Variants in RYR3 observed in about 807,000 individuals in gnomAD.
The protein encoded by RYR3 is brain ryanodine receptor-calcium release channel.
In RYR3, 207 loss-of-function variants were observed where a neutral mutation model predicts 584.3. The ratio of observed to expected loss-of-function variants is 0.35; its 90% confidence interval spans 0.32 to 0.40. The LOEUF (loss-of-function observed/expected upper bound fraction) is 0.40. RYR3 is among the 10% of genes least tolerant of loss of function. The pLI, the probability that RYR3 is intolerant of heterozygous loss-of-function variation, is 1.00. For synonymous variants in RYR3, 2,416 were observed against 2,248.5 expected (o/e 1.07, Z -2.11); for missense variants, 5,616 against 6,089.2 (o/e 0.92, Z 2.59).
intron 2 of RYR3, among the ~76,000 whole-genome samples, chr15:33,490,492 T>C (rs953406688): frequency 1.3e-5 from 2 of 152,136 alleles, no homozygotes; most frequent in African/African-American, 2.4e-5. Context: ...TACTGCCTAA[T>C]AGTACTGAGG....
At chr15:33,825,047 T>C (rs568236997) in intron 81 of RYR3, among the ~76,000 whole-genome samples, 1 of 152,304 alleles carries the variant, frequency 6.6e-6, no homozygotes, top group South Asian at 2.1e-4. Context: ...CACCATTCCC[T>C]GTGGAAAGCG....
chr15:33,466,758 AT>A (rs1437348016), intron 1 of RYR3, among the ~76,000 whole-genome samples: 1 of 152,220 alleles, frequency 6.6e-6, no homozygotes, highest in Non-Finnish European at 1.5e-5. Context: ...ACATAAGCAT[AT>A]TTGTTAATAT....
Position 33,550,200 on chromosome 15 carries a change from C to T in RYR3, c.856C>T (p.Leu286Phe). 1.2e-6 allele frequency: 2 copies of T among 1,613,862 alleles called. No homozygotes were observed. The highest frequency in any genetic ancestry group is 2.7e-5 in the African/African-American group (2 of 75,048). ...CATCAGATGGGGCCAGGCTTTCCGACTCCGGCATCTCACCACAGGCCACTA... is the reference window on the plus strand; with the variant it reads ...CATCAGATGGGGCCAGGCTTTCCGATTCCGGCATCTCACCACAGGCCACTA... Reference protein sequence around the residue: ...SNIRWGQAFRLRHLTTGHYLA... With the variant: ...SNIRWGQAFRFRHLTTGHYLA... The change falls in exon 10 of 104, where the codon CTC becomes TTC. Residue 286 changes from leucine (L) to phenylalanine (F), a missense_variant. Leu to Phe is a conservative substitution (Grantham distance 22). This residue lies in a region of RYR3 where 1,284 missense variants were observed against 1,344.6 expected (regional missense o/e 0.95). Coordinates refer to ENST00000634891, the MANE Select transcript of RYR3 (RefSeq NM_001036.6).
intron 7 of RYR3, 126 bp downstream of exon 7, chr15:33,541,016 C>T: frequency 1.6e-6 from 1 of 609,050 alleles, no homozygotes. Flanking sequence ...CTGATTTTAG[C>T]TCACTTGAGT....
intron 1 of RYR3, among the ~76,000 whole-genome samples, chr15:33,387,014 C>A (rs944003383): frequency 6.6e-6 from 1 of 151,990 alleles, no homozygotes; most frequent in Admixed American, 6.6e-5. Context: ...CCCACCACCA[C>A]GCCCGGCTAA....
intron 40 of RYR3, 117 bp downstream of exon 40, chr15:33,698,113 A>G: frequency 1.4e-6 from 1 of 726,956 alleles, no homozygotes; most frequent in Non-Finnish European, 2.5e-6. Flanking sequence ...CAGGGAGAGG[A>G]AGGGATAGGC....
At chr15:33,832,480 C>T (rs2077743350) in intron 86 of RYR3, among the ~76,000 whole-genome samples, 1 of 151,712 alleles carries the variant, frequency 6.6e-6, no homozygotes, top group Non-Finnish European at 1.5e-5. Context: ...CATGGCGAAA[C>T]CCCGTCTCTA....
intron 10 of RYR3, among the ~76,000 whole-genome samples, chr15:33,550,964 C>T (rs2056633168): frequency 1.3e-5 from 2 of 152,152 alleles, no homozygotes; most frequent in Admixed American, 1.3e-4. Flanking sequence ...AGGATGGATC[C>T]TCTGGTAGTT....
At chr15:33,343,953 G>A (rs998571226) in intron 1 of RYR3, among the ~76,000 whole-genome samples, 2 of 152,158 alleles carry the variant, frequency 1.3e-5, no homozygotes, top group African/African-American at 4.8e-5. Flanking sequence ...AGGTTAAGAA[G>A]ATTTTGAAAG....
chr15:33,865,449 G>C lies in RYR3; in HGVS notation c.*223G>C. On this transcript the variant is annotated 3_prime_UTR_variant, in exon 104 of 104. Transcript: ENST00000634891. ...CCTGTCAAAATGTCGAAGAAGGAAG[G>C]CGAAGAATCAAGTAATCTCTAGGCA... 2.0e-6 allele frequency: 1 copy of C among 488,012 alleles called. No homozygotes were observed. Among genetic ancestry groups the C allele is most frequent in the African/African-American group, 1.9e-5 (1 of 51,996 alleles). The allele number at this position is 488,012 out of a possible 1,614,324, so 30.2% of individuals were successfully genotyped here.
chr15:33,774,748 A>C (rs2073877014), intron 64 of RYR3, among the ~76,000 whole-genome samples: 1 of 152,250 alleles, frequency 6.6e-6, no homozygotes, highest in Non-Finnish European at 1.5e-5. Context: ...ACTGTTTTAC[A>C]TAAAATATAG....
At chr15:33,854,057 G>A (rs771047470) in intron 96 of RYR3, among the ~76,000 whole-genome samples, 62 of 152,154 alleles carry the variant, frequency 4.1e-4, no homozygotes, top group Middle Eastern at 6.8e-3. Context: ...GTAGCTAGGC[G>A]TGGTGGTGGG....
At chr15:33,422,950 G>T (rs2141626516) in intron 1 of RYR3, among the ~76,000 whole-genome samples, 1 of 152,282 alleles carries the variant, frequency 6.6e-6, no homozygotes, top group African/African-American at 2.4e-5. Context: ...AGAAAACTTT[G>T]CATATTAGTG....
chr15:33,829,281 C>A (rs1040273501), intron 85 of RYR3, among the ~76,000 whole-genome samples: 6 of 152,064 alleles, frequency 3.9e-5, no homozygotes, highest in Non-Finnish European at 8.8e-5. Flanking sequence ...CCTGCTAATA[C>A]AAGATTTATT....
chr15:33,711,235 A>ATTTTT (rs143373949), intron 43 of RYR3, among the ~76,000 whole-genome samples: 1 of 75,790 alleles, frequency 1.3e-5, no homozygotes, highest in African/African-American at 5.3e-5. Flanking sequence ...TCTTTCTTTC[A>ATTTTT]TTTTTTTTTT....
chr15:33,825,473 C>A, intron 81 of RYR3, 130 bp from the exon 82 acceptor site: 1 of 604,660 alleles, frequency 1.7e-6, no homozygotes, highest in Non-Finnish European at 2.9e-6. Flanking sequence ...TGCAACCACC[C>A]TGGAATGTGT....
At chr15:33,407,046 G>T (rs953064965) in intron 1 of RYR3, among the ~76,000 whole-genome samples, 3 of 152,226 alleles carry the variant, frequency 2.0e-5, no homozygotes, top group African/African-American at 7.2e-5. Context: ...CAAGATGACA[G>T]CTTGTTGTTG....
intron 51 of RYR3, 32 bp downstream of exon 51, chr15:33,740,027 G>A: frequency 6.2e-7 from 1 of 1,601,646 alleles, no homozygotes; most frequent in Non-Finnish European, 8.5e-7. Context: ...AGCTGGTGCT[G>A]TATTTTGTCC....
chr15:33,588,223 G>A (rs2058953933), intron 16 of RYR3, among the ~76,000 whole-genome samples: 1 of 152,166 alleles, frequency 6.6e-6, no homozygotes. Flanking sequence ...AAGAAGGCCG[G>A]AGCCTGGGTC....
Sources: allele counts gnomAD v4.1 joint callset (sites outside exome capture counted in the v4.1 genomes callset), GRCh38; gene constraint gnomAD v4.1.1; regional missense constraint gnomAD v4.1.1; transcripts MANE v1.5; gene names NCBI Gene and HGNC (gene_info 2026-07-23, HGNC 2026-07-21).